NR6A1: variants seen among roughly 807,000 people sequenced by gnomAD.
NR6A1 encodes the protein retinoic acid receptor-related testis-associated receptor.
NR6A1 carries 7 observed loss-of-function variants against 59.1 expected under a neutral mutation model. The ratio of observed to expected loss-of-function variants is 0.12; its 90% CI spans 0.07 to 0.22. The LOEUF is 0.22. Ranked by LOEUF, NR6A1 falls within the 10% of genes least tolerant of loss-of-function variation. The probability of loss-of-function intolerance (pLI) is 1.00; values close to 1 mark genes in which losing one functional copy is unlikely to be tolerated. For synonymous variants in NR6A1, 243 were observed against 236.1 expected, an observed-to-expected ratio of 1.03 and a Z score of -0.27; for missense variants, 468 against 611.6, an observed-to-expected ratio of 0.77 and a Z score of 2.48.
chr9:124,705,201 A>C (rs1021577338), intron 2 of NR6A1, among the ~76,000 whole-genome samples: 2 of 152,204 alleles, frequency 1.3e-5, no homozygotes, highest in East Asian at 3.8e-4. Context: ...AGTTCTGTCA[A>C]GTTCACTGAT....
intron 2 of NR6A1, among the ~76,000 whole-genome samples, chr9:124,614,848 TCTTC>T (rs1835845170): frequency 6.6e-6 from 1 of 152,212 alleles, no homozygotes; most frequent in Non-Finnish European, 1.5e-5. Flanking sequence ...ACCATGTCCT[TCTTC>T]TTTGCAAGAG....
At chr9:124,656,145 T>C (rs1233888362) in intron 2 of NR6A1, among the ~76,000 whole-genome samples, 2 of 152,068 alleles carry the variant, frequency 1.3e-5, no homozygotes, top group Non-Finnish European at 2.9e-5. Flanking sequence ...GGCACCTCCT[T>C]CTTCTCTCTC....
At position 124,761,728 on chromosome 9, in the gene NR6A1, G is replaced by A. The variant is rs906941113; in HGVS notation, c.100+9292C>T. Among the ~76,000 whole-genome samples, 4 of 152,296 alleles carry A rather than the reference G, an allele frequency of 2.6e-5. No individual in the cohort carries two copies. The South Asian group carries it at 6.2e-4, about 24-fold the overall frequency. ...TCTTGATGGAAGTTTTAAAAAGCACGATAGGATCTTTATCTCTTATAAATT... is the reference window on the plus strand; with the variant it reads ...TCTTGATGGAAGTTTTAAAAAGCACAATAGGATCTTTATCTCTTATAAATT... On this transcript the variant is annotated intron_variant, in intron 1 of 9. Transcript: ENST00000487099.
intron 2 of NR6A1, among the ~76,000 whole-genome samples, chr9:124,566,743 GA>G (rs1834252276): frequency 6.6e-6 from 1 of 152,200 alleles, no homozygotes; most frequent in African/African-American, 2.4e-5. Flanking sequence ...GTGGCTGTGA[GA>G]AATGAGGCAA....
Position 124,674,977 on chromosome 9 carries a change from G to A in NR6A1, c.142+58331C>T, listed in dbSNP as rs142791210. On this transcript the variant is annotated intron_variant, in intron 2 of 9. Coordinates refer to ENST00000487099, the MANE Select transcript of NR6A1 (RefSeq NM_033334.4). The stretch of plus-strand genomic sequence containing the variant: ...TAACCAACACAGCTAACCTTTGTGC[G>A]TTCTCACATAATTTTTAAGTGAAGA... 5.9e-3 allele frequency among the ~76,000 whole-genome samples: 896 copies of A among 152,266 alleles called. 6 individuals carry two copies. Among genetic ancestry groups the A allele is most frequent in the Admixed American group, 0.011 (167 of 15,290 alleles).
At chr9:124,555,237 T>C (rs932565624) in intron 2 of NR6A1, among the ~76,000 whole-genome samples, 3 of 152,198 alleles carry the variant, frequency 2.0e-5, no homozygotes, top group African/African-American at 7.2e-5. Context: ...CAGGATAGAA[T>C]ATAGCTCTTC....
intron 2 of NR6A1, among the ~76,000 whole-genome samples, chr9:124,585,199 G>C (rs1359694213): frequency 3.3e-5 from 5 of 152,278 alleles, no homozygotes; most frequent in Non-Finnish European, 7.3e-5. Flanking sequence ...GAAGCTAGCA[G>C]AGGTTGGCTC....
At chr9:124,657,913 T>C (rs1422838442) in intron 2 of NR6A1, among the ~76,000 whole-genome samples, 3 of 152,212 alleles carry the variant, frequency 2.0e-5, no homozygotes, top group African/African-American at 2.4e-5. Flanking sequence ...ATTTATATCA[T>C]ATAGAGGCTT....
chr9:124,697,989 TTG>T (rs756689300), intron 2 of NR6A1, among the ~76,000 whole-genome samples: 20 of 152,180 alleles, frequency 1.3e-4, no homozygotes, highest in Non-Finnish European at 1.3e-4. Context: ...TGTGCATGTG[TTG>T]TGTGTGTGTT....
intron 2 of NR6A1, among the ~76,000 whole-genome samples, chr9:124,694,699 T>G (rs1275270379): frequency 6.6e-6 from 1 of 152,204 alleles, no homozygotes; most frequent in Non-Finnish European, 1.5e-5. Context: ...ATCATACACT[T>G]AAGTCTAAGA....
At chr9:124,613,369 T>G (rs1449280228) in intron 2 of NR6A1, among the ~76,000 whole-genome samples, 1 of 150,966 alleles carries the variant, frequency 6.6e-6, no homozygotes. Flanking sequence ...AATTAAGGCC[T>G]GGTGTGGTGG....
intron 2 of NR6A1, among the ~76,000 whole-genome samples, chr9:124,684,954 T>A (rs950745855): frequency 6.6e-6 from 1 of 151,928 alleles, no homozygotes; most frequent in African/African-American, 2.4e-5. Context: ...GAAGGCTATA[T>A]CATCTATCTT....
intron 1 of NR6A1, among the ~76,000 whole-genome samples, chr9:124,751,121 G>A (rs944740284): frequency 6.6e-5 from 10 of 152,186 alleles, no homozygotes; most frequent in African/African-American, 2.4e-4. Context: ...GTTGCTGCAT[G>A]TAATTATCAC....
At chr9:124,695,659 C>A (rs770404981) in intron 2 of NR6A1, among the ~76,000 whole-genome samples, 77 of 152,184 alleles carry the variant, frequency 5.1e-4, no homozygotes, top group Non-Finnish European at 9.0e-4. Flanking sequence ...CATGAGTCAC[C>A]GCGCCCGGCC....
intron 2 of NR6A1, among the ~76,000 whole-genome samples, chr9:124,571,747 A>G (rs1377838834): frequency 2.6e-5 from 4 of 152,170 alleles, no homozygotes; most frequent in Non-Finnish European, 5.9e-5. Flanking sequence ...ACTATGCTTC[A>G]TGGCTTCAGA....
chr9:124,549,124 G>A (rs887674718), intron 3 of NR6A1, among the ~76,000 whole-genome samples: 1 of 152,242 alleles, frequency 6.6e-6, no homozygotes, highest in Non-Finnish European at 1.5e-5. Flanking sequence ...CAAAAAAGCT[G>A]TGGAAGCACA....
At position 124,609,582 on chromosome 9, in the gene NR6A1, G is replaced by A. The variant is rs139107404; in HGVS notation, c.143-55012C>T. Among the ~76,000 whole-genome samples, 3 of 152,210 alleles carry A rather than the reference G, an allele frequency of 2.0e-5. No homozygotes were observed. The East Asian group carries it at 5.8e-4, about 29-fold the overall frequency. ...TGTTCTTTTTGCTTAGGATTGTCTTGGGTATATTGGCTCTTTCTTGGTTCC... is the reference window on the plus strand; with the variant it reads ...TGTTCTTTTTGCTTAGGATTGTCTTAGGTATATTGGCTCTTTCTTGGTTCC... On this transcript the variant is annotated intron_variant, in intron 2 of 9. Transcript: ENST00000487099.
chr9:124,686,704 C>CTTT (rs751899156), intron 2 of NR6A1, among the ~76,000 whole-genome samples: 3 of 135,858 alleles, frequency 2.2e-5, no homozygotes, highest in Non-Finnish European at 3.2e-5. Context: ...CTTTAAAAGT[C>CTTT]TTTTTTTTTT....
chr9:124,580,649 A>G (rs1197758862), intron 2 of NR6A1, among the ~76,000 whole-genome samples: 4 of 152,018 alleles, frequency 2.6e-5, no homozygotes, highest in South Asian at 4.1e-4. Flanking sequence ...GTGAATTCCC[A>G]TCTCTACTAA....
Sources: gnomAD v4.1 joint callset for allele counts (sites outside exome capture counted in the v4.1 genomes callset) on GRCh38, gnomAD v4.1.1 for gene constraint, MANE v1.5 for transcripts, NCBI Gene and HGNC (gene_info 2026-07-23, HGNC 2026-07-21) for gene names.